The following TCP11L2 variants were observed in gnomAD, a reference collection of about 807,000 sequenced individuals.
TCP11L2 encodes the protein T-complex protein 11-like protein 2.
In TCP11L2, 39 loss-of-function variants were observed where a neutral mutation model predicts 50.7. That is an observed-to-expected ratio of 0.77 (90% CI 0.60 to 1.01). The LOEUF (loss-of-function observed/expected upper bound fraction) is 1.01. TCP11L2 is among the 50% of genes least tolerant of loss of function. The pLI is 0.00. For missense variants in TCP11L2, 612 were observed against 614.7 expected, an observed-to-expected ratio of 1.00 and a Z score of 0.05; for synonymous variants, 192 against 219.3, an observed-to-expected ratio of 0.88 and a Z score of 1.10.
At chr12:106,322,345 C>G (rs2035371087) in intron 5 of TCP11L2, among the ~76,000 whole-genome samples, 1 of 152,104 alleles carries the variant, frequency 6.6e-6, no homozygotes. Flanking sequence ...CCACCTCAGC[C>G]CAGAAGTGAC....
chr12:106,308,620 G>A (rs2034724557), intron 1 of TCP11L2, among the ~76,000 whole-genome samples: 1 of 152,166 alleles, frequency 6.6e-6, no homozygotes, highest in African/African-American at 2.4e-5. Context: ...TACATTACAG[G>A]GGAATAACTG....
intron 9 of TCP11L2, among the ~76,000 whole-genome samples, chr12:106,345,169 A>AT (rs987345699): frequency 1.3e-5 from 2 of 151,628 alleles, no homozygotes; most frequent in African/African-American, 2.4e-5. Context: ...TAATTTTTAA[A>AT]TTTTTTTTGT....
rs181515256 is a variant in TCP11L2 at position 106,307,820 on chromosome 12, T to C, written c.-35-3221T>C. Among the ~76,000 whole-genome samples, 9 of 152,270 alleles carry C rather than the reference T, an allele frequency of 5.9e-5. No individual in the cohort carries two copies. In the East Asian group the frequency reaches 1.5e-3, roughly 26 times the overall value. On this transcript the variant is annotated intron_variant, in intron 1 of 9. Transcript: ENST00000299045. Reference sequence around the variant, plus strand: ...GTGTTTAATTCCTGAGGCAATGATATTAACAAAAAAAAGCAAATAATAGAA... The same window carrying C: ...GTGTTTAATTCCTGAGGCAATGATACTAACAAAAAAAAGCAAATAATAGAA...
upstream of TCP11L2, chr12:106,301,823 C>G (rs1336407659): frequency 6.6e-6 from 1 of 152,340 alleles, no homozygotes; most frequent in Non-Finnish European, 1.5e-5. Context: ...CCAGACGGCA[C>G]AGAGCCCTCC....
Position 106,330,071 on chromosome 12 carries a change from T to A in TCP11L2, c.773-5568T>A, listed in dbSNP as rs547767283. On this transcript the variant is annotated intron_variant, in intron 6 of 9. Coordinates refer to ENST00000299045, the MANE Select transcript of TCP11L2 (RefSeq NM_152772.3). ...CACCTTATAAATTCTACCAAATGTA[T>A]AATTGTATAAGAACTGTGGTATAAA... 9.0e-5 allele frequency: 89 copies of A among 985,438 alleles called. No homozygotes were observed. In the African/African-American group the frequency reaches 1.4e-3, roughly 16 times the overall value. 61.0% of individuals were successfully genotyped at this position (985,438 alleles called of 1,614,324 possible).
At chr12:106,326,500 G>A (rs1228478315) in intron 6 of TCP11L2, among the ~76,000 whole-genome samples, 1 of 152,196 alleles carries the variant, frequency 6.6e-6, no homozygotes, top group Non-Finnish European at 1.5e-5. Context: ...TATTATAGCA[G>A]TAGTCAGTGC....
rs2036076652 is a variant in TCP11L2, at chr12:106,340,925, TGA to T, written c.1245_1246del (p.Glu415AspfsTer4). The T allele has an allele frequency of 1.2e-6, 2 of 1,613,906 alleles. No homozygotes were observed. The highest frequency in any genetic ancestry group is 1.7e-6 in the Non-Finnish European group (2 of 1,179,886). ...MERGLPTLNA[E>X]IQANLIGQFS... ...AAAGAGGTTTACCCACTTTAAATGC[TGA>T]GATTCAAGCTAATCTTATAGGTCAA... is the stretch of plus-strand genomic sequence containing the variant. On this transcript the variant is annotated frameshift_variant, in exon 9 of 10. Coordinates refer to ENST00000299045, the MANE Select transcript of TCP11L2 (RefSeq NM_152772.3). LOFTEE classifies it high-confidence loss of function.
chr12:106,340,952 A>G lies in TCP11L2; in HGVS notation c.1269A>G (p.Gln423=). Residue 423 remains glutamine (Q), a synonymous_variant, in exon 9 of 10, where the codon CAA becomes CAG. Transcript: ENST00000299045. ...AGATTCAAGCTAATCTTATAGGTCAATTTTCAAGCATTGAAGAGGAGGACA... is the reference window on the plus strand; with the variant it reads ...AGATTCAAGCTAATCTTATAGGTCAGTTTTCAAGCATTGAAGAGGAGGACA... The part of the protein sequence containing the change: ...NAEIQANLIG[Q]FSSIEEEDNP... 6.2e-7 allele frequency: 1 copy of G among 1,613,372 alleles called. No homozygotes were observed. Among genetic ancestry groups the G allele is most frequent in the African/African-American group, 1.3e-5 (1 of 75,002 alleles).
In TCP11L2 at chr12:106,346,808, T is replaced by C; in HGVS notation, c.*278T>C. ...ACAATTTGTAATTAATTATATTACC[T>C]ATATAATACTTGTAAATGTTTTCTT... is the stretch of plus-strand genomic sequence containing the variant. On this transcript the variant is annotated 3_prime_UTR_variant, in exon 10 of 10. Transcript: ENST00000299045. The C allele has an allele frequency of 3.2e-6, 1 of 310,646 alleles. No individual in the cohort carries two copies. Among genetic ancestry groups the C allele is most frequent in the Admixed American group, 4.5e-5 (1 of 22,288 alleles). The allele number at this position is 310,646 out of a possible 1,614,324, so 19.2% of individuals were successfully genotyped here. A position where few individuals can be genotyped will look rare whatever the true frequency, so the allele number is the denominator to read the frequency against.
rs759018413 is a variant in TCP11L2 at position 106,318,426 on chromosome 12, T to C, written c.376T>C (p.Phe126Leu). The C allele has an allele frequency of 2.5e-6, 4 of 1,613,914 alleles. No homozygotes were observed. The highest frequency in any genetic ancestry group is 3.4e-6 in the Non-Finnish European group (4 of 1,179,928). Residue 126 changes from phenylalanine (F) to leucine (L), a missense_variant, in exon 4 of 10, where the codon TTT (phenylalanine) becomes CTT (leucine). Transcript: ENST00000299045. The part of the protein sequence containing the change: ...DSELNADPPE[F>L]EHAIKLFEEI... ...AGAACTAAATGCTGACCCTCCTGAG[T>C]TTGAACATGCCATCAAACTGTTTGA...
rs748979164 is a variant in TCP11L2 at position 106,323,510 on chromosome 12, A to G, written c.636A>G (p.Arg212=). 6 of 1,576,446 alleles carry G rather than the reference A, an allele frequency of 3.8e-6. No homozygotes were observed. The Admixed American group carries it at 9.0e-5, about 24-fold the overall frequency. ...TCTATTTTAATTCTAAAATTTTTAG[A>G]CAAATATTCCATGTCCTGGACCTCA... ...KATGNIVEVL[R]QIFHVLDLMQ... Residue 212 remains arginine (R), a splice_region_variant and synonymous_variant, in exon 6 of 10, where the codon AGA becomes AGG. Coordinates refer to ENST00000299045, the MANE Select transcript of TCP11L2 (RefSeq NM_152772.3).
At chr12:106,305,927 C>G (rs909552777) in intron 1 of TCP11L2, among the ~76,000 whole-genome samples, 15 of 152,172 alleles carry the variant, frequency 9.9e-5, no homozygotes, top group African/African-American at 3.4e-4. Flanking sequence ...GAGTTAAGAT[C>G]ACAGAGGGTT....
intron 3 of TCP11L2, among the ~76,000 whole-genome samples, chr12:106,316,871 G>T (rs1444918466): frequency 6.6e-6 from 1 of 152,062 alleles, no homozygotes; most frequent in Non-Finnish European, 1.5e-5. Context: ...TTGTTTTAAA[G>T]TTAAAATTTG....
At chr12:106,304,883 G>C (rs1284880438) in intron 1 of TCP11L2, among the ~76,000 whole-genome samples, 2 of 152,146 alleles carry the variant, frequency 1.3e-5, no homozygotes, top group African/African-American at 4.8e-5. Context: ...CACTGTAGCG[G>C]GGTGGTGAAG....
At chr12:106,300,425 G>A (rs1197135190), upstream of TCP11L2, among the ~76,000 whole-genome samples, 1 of 152,202 alleles carries the variant, frequency 6.6e-6, no homozygotes, top group African/African-American at 2.4e-5. Flanking sequence ...CACCTCCCAG[G>A]TTCAAGCGAT....
Position 106,319,162 on chromosome 12 carries a change from T to C in TCP11L2, c.414+698T>C, listed in dbSNP as rs113052433. Among the ~76,000 whole-genome samples the C allele has an allele frequency of 7.2e-3, 1,095 of 151,972 alleles. 3 individuals are homozygous for C. The highest frequency in any genetic ancestry group is 0.011 in the Non-Finnish European group (746 of 67,908). On this transcript the variant is annotated intron_variant, in intron 4 of 9. Coordinates refer to ENST00000299045, the MANE Select transcript of TCP11L2 (RefSeq NM_152772.3). The stretch of plus-strand genomic sequence containing the variant: ...TCCTGACCTCATGATTCGCCCACCT[T>C]GGCCTCCCAGAGTGCTGGGATTACA...
intron 6 of TCP11L2, 35 bp from the exon 7 acceptor site, chr12:106,335,604 G>C: frequency 6.2e-7 from 1 of 1,604,658 alleles, no homozygotes; most frequent in Non-Finnish European, 8.5e-7. Flanking sequence ...GGATCAATCA[G>C]CTGTAGAACA....
chr12:106,323,693 A>G (rs753430285), intron 6 of TCP11L2, 47 bp downstream of exon 6: 21 of 967,030 alleles, frequency 2.2e-5, no homozygotes, highest in Middle Eastern at 4.6e-4. Flanking sequence ...GGTTAAAATG[A>G]TGATTTTAAA....
At chr12:106,307,644 G>A (rs4964174) in intron 1 of TCP11L2, among the ~76,000 whole-genome samples, 7,877 of 152,140 alleles carry the variant, frequency 0.052, 281 homozygotes, top group Non-Finnish European at 0.074. Flanking sequence ...AGGAACTTGC[G>A]GAAGACCATT....
Sources: gnomAD v4.1 joint callset for allele counts (sites outside exome capture counted in the v4.1 genomes callset) on GRCh38, gnomAD v4.1.1 for gene constraint, MANE v1.5 for transcripts, NCBI Gene and HGNC (gene_info 2026-07-23, HGNC 2026-07-21) for gene names.